Variants in LRRTM3 observed in about 807,000 individuals in gnomAD.
LRRTM3 encodes the protein leucine rich repeat transmembrane neuronal 3, also known as leucine-rich repeat transmembrane neuronal protein 3.
LRRTM3 carries 24 observed loss-of-function variants against 44.7 expected under a neutral mutation model. That is an observed-to-expected ratio of 0.54 (90% CI 0.39 to 0.76). LRRTM3 has a LOEUF of 0.76. Ranked by LOEUF, LRRTM3 falls within the 30% of genes least tolerant of loss-of-function variation. The pLI, the probability that LRRTM3 is intolerant of heterozygous loss-of-function variation, is 0.00. For synonymous variants in LRRTM3, 277 were observed against 278.7 expected (o/e 0.99, Z 0.06); for missense variants, 587 against 702.2 (o/e 0.84, Z 1.85).
intron 2 of LRRTM3, among the ~76,000 whole-genome samples, chr10:67,020,982 A>G (rs1030598622): frequency 1.3e-5 from 2 of 152,212 alleles, no homozygotes; most frequent in African/African-American, 4.8e-5. Flanking sequence ...AACCTTGACT[A>G]TGGAAAGTCT....
intron 2 of LRRTM3, among the ~76,000 whole-genome samples, chr10:67,038,936 TA>T (rs762120226): frequency 1.3e-5 from 2 of 152,186 alleles, no homozygotes; most frequent in African/African-American, 2.4e-5. Flanking sequence ...GTAGCATATG[TA>T]AAAAATAGTC....
intron 2 of LRRTM3, among the ~76,000 whole-genome samples, chr10:67,074,141 T>A (rs942082054): frequency 4.8e-5 from 7 of 145,648 alleles, no homozygotes; most frequent in African/African-American, 7.7e-5. Flanking sequence ...GAAGAGATCC[T>A]CCTTCCTCAG....
Position 66,927,250 on chromosome 10 carries a change from A to T in LRRTM3, c.334A>T (p.Lys112Ter). ...ENAFNGIRRL[K>*]ELILSSNRIS... ...TGCTTTTAATGGAATACGCAGACTC[A>T]AAGAGCTGATTCTTAGTTCCAATAG... The change falls in exon 2 of 3, where the codon AAA (lysine) becomes TAA (stop). Residue 112 changes from lysine (K) to a stop codon, truncating the protein, a stop_gained. Coordinates refer to ENST00000361320, the MANE Select transcript of LRRTM3 (RefSeq NM_178011.5). LOFTEE classifies it high-confidence loss of function. This position sits in a 1 kb window ranked among gnomAD's most constrained non-coding sequence, Gnocchi z 4.7. The T allele has an allele frequency of 6.2e-7, 1 of 1,614,160 alleles. No individual in the cohort carries two copies. Among genetic ancestry groups the T allele is most frequent in the Non-Finnish European group, 8.5e-7 (1 of 1,180,050 alleles).
At chr10:67,034,087 A>C (rs1290521545) in intron 2 of LRRTM3, among the ~76,000 whole-genome samples, 1 of 152,090 alleles carries the variant, frequency 6.6e-6, no homozygotes, top group Non-Finnish European at 1.5e-5. Context: ...TGCTTCTTAA[A>C]AGGAAAAATA....
chr10:67,024,953 A>G (rs1853262931), intron 2 of LRRTM3, among the ~76,000 whole-genome samples: 1 of 152,008 alleles, frequency 6.6e-6, no homozygotes, highest in Non-Finnish European at 1.5e-5. Context: ...CAACAAGAAG[A>G]CACCCTGTCT....
chr10:66,978,571 A>ATATATATATATATATATATAT (rs1850220512), intron 2 of LRRTM3, among the ~76,000 whole-genome samples: 1 of 136,006 alleles, frequency 7.4e-6, no homozygotes, highest in East Asian at 2.3e-4. Flanking sequence ...ATATATATAT[A>ATATATATATATATATATATAT]GTATGGTGTA....
intron 2 of LRRTM3, among the ~76,000 whole-genome samples, chr10:66,943,658 C>T (rs530003907): frequency 2.0e-5 from 3 of 152,028 alleles, no homozygotes; most frequent in Non-Finnish European, 4.4e-5. Flanking sequence ...AAACATGCTA[C>T]TTAAACATAG....
At chr10:67,019,976 G>C (rs1852896663) in intron 2 of LRRTM3, among the ~76,000 whole-genome samples, 1 of 149,502 alleles carries the variant, frequency 6.7e-6, no homozygotes. Context: ...TACCTCACCT[G>C]TGATGCATTT....
chr10:66,954,543 T>C lies in LRRTM3; in HGVS notation c.1536+26091T>C, dbSNP rs556357961. ...ACCTCTTAGGGCAAACTGTAGGCAC[T>C]GGTCATGCCCCATGGATGAATATGA... is the stretch of plus-strand genomic sequence containing the variant. On this transcript the variant is annotated intron_variant, in intron 2 of 2. Coordinates refer to ENST00000361320, the MANE Select transcript of LRRTM3 (RefSeq NM_178011.5). Among the ~76,000 whole-genome samples, 4 of 152,318 alleles carry C rather than the reference T, an allele frequency of 2.6e-5. No homozygotes were observed. In the East Asian group the frequency reaches 5.8e-4, roughly 22 times the overall value.
chr10:66,938,801 G>T, intron 2 of LRRTM3, among the ~76,000 whole-genome samples: 1 of 152,272 alleles, frequency 6.6e-6, no homozygotes, highest in East Asian at 1.9e-4. Context: ...ATATGTTAAA[G>T]GGAATAAGAG....
At chr10:67,005,752 C>T (rs2140376) in intron 2 of LRRTM3, among the ~76,000 whole-genome samples, 73,070 of 133,648 alleles carry the variant, frequency 0.55, 19,849 homozygotes, top group Middle Eastern at 0.75. Flanking sequence ...ATGGTATGAT[C>T]TTGACTCACT....
intron 2 of LRRTM3, among the ~76,000 whole-genome samples, chr10:66,969,151 A>T (rs1849588839): frequency 6.6e-6 from 1 of 152,106 alleles, no homozygotes; most frequent in African/African-American, 2.4e-5. Context: ...GAATATTTTT[A>T]AAAATCAAAT....
At chr10:67,018,033 A>G (rs1444141574) in intron 2 of LRRTM3, among the ~76,000 whole-genome samples, 1 of 152,102 alleles carries the variant, frequency 6.6e-6, no homozygotes, top group Non-Finnish European at 1.5e-5. Context: ...TGGCCTCCCA[A>G]TGTGCTGGGA....
At chr10:66,955,641 A>G (rs1848750012) in intron 2 of LRRTM3, among the ~76,000 whole-genome samples, 2 of 152,178 alleles carry the variant, frequency 1.3e-5, no homozygotes, top group Non-Finnish European at 2.9e-5. Flanking sequence ...ACACGACTGC[A>G]TGACTTCTGG....
intron 2 of LRRTM3, 77 bp from the exon 3 acceptor site, chr10:67,097,510 C>A: frequency 3.1e-6 from 4 of 1,301,794 alleles, no homozygotes; most frequent in Non-Finnish European, 4.4e-6. Context: ...GTCAGGTCAG[C>A]ACTTCAGTCT....
chr10:66,962,711 C>T (rs1849187547), intron 2 of LRRTM3, among the ~76,000 whole-genome samples: 1 of 151,914 alleles, frequency 6.6e-6, no homozygotes. Flanking sequence ...GTGCCTGGCC[C>T]ACCTCCTCTA....
intron 2 of LRRTM3, among the ~76,000 whole-genome samples, chr10:67,007,282 C>T (rs1852052273): frequency 6.6e-6 from 1 of 152,084 alleles, no homozygotes; most frequent in African/African-American, 2.4e-5. Flanking sequence ...AAGGAATTAA[C>T]AAATTGGCTC....
chr10:66,990,642 T>C (rs536455382), intron 2 of LRRTM3, among the ~76,000 whole-genome samples: 11 of 152,242 alleles, frequency 7.2e-5, no homozygotes, highest in African/African-American at 2.6e-4. Flanking sequence ...TAGGAGCCAG[T>C]GTGGACCAGA....
At chr10:66,961,515 A>G (rs1849107117) in intron 2 of LRRTM3, among the ~76,000 whole-genome samples, 1 of 151,688 alleles carries the variant, frequency 6.6e-6, no homozygotes, top group African/African-American at 2.4e-5. Flanking sequence ...TCTCTTTTCC[A>G]TTTCATCTTA....
Sources: gnomAD v4.1 joint callset for allele counts (sites outside exome capture counted in the v4.1 genomes callset) on GRCh38, gnomAD v4.1.1 for gene constraint, Gnocchi (gnomAD v3.1) non-coding constraint, MANE v1.5 for transcripts, NCBI Gene and HGNC (gene_info 2026-07-23, HGNC 2026-07-21) for gene names.